The following CLEC4D variants were observed in gnomAD, a reference collection of about 807,000 sequenced individuals.
CLEC4D encodes the protein C-type (calcium dependent, carbohydrate-recognition domain) lectin, superfamily member 8.
CLEC4D carries 21 observed loss-of-function variants against 21.1 expected under a neutral mutation model. That is an observed-to-expected ratio of 1.00 (90% CI 0.71 to 1.43). CLEC4D has a LOEUF of 1.43. CLEC4D is among the 40% of genes most tolerant of loss of function. The pLI, the probability that CLEC4D is intolerant of heterozygous loss-of-function variation, is 0.00. For missense variants in CLEC4D, 289 were observed against 260.7 expected, an observed-to-expected ratio of 1.11 and a Z score of -0.75; for synonymous variants, 85 against 83.1, an observed-to-expected ratio of 1.02 and a Z score of -0.12.
At position 8,521,238 on chromosome 12, in the gene CLEC4D, G is replaced by C; in HGVS notation, c.615G>C (p.Arg205Ser). 6.2e-7 allele frequency: 1 copy of C among 1,612,832 alleles called. No homozygotes were observed. Among genetic ancestry groups the C allele is most frequent in the Non-Finnish European group, 8.5e-7 (1 of 1,179,250 alleles). The change falls in exon 6 of 6, where the codon AGG becomes AGC. Residue 205 changes from arginine to serine, a missense_variant. Transcript: ENST00000299665. ...TTCCTTGTAACTTTGAAGCAAGTAG[G>C]ATTTGTAAAATACCTGGAACAACAT... is the stretch of plus-strand genomic sequence containing the variant. ...NDVPCNFEASRICKIPGTTLN is the reference protein window; with the variant it reads ...NDVPCNFEASSICKIPGTTLN
rs779115575 is a variant in CLEC4D, at chr12:8,518,291, A to G, written c.232+17A>G. 1.1e-6 allele frequency: 1 copy of G among 924,582 alleles called. No individual in the cohort carries two copies. The allele number at this position is 924,582 out of a possible 1,614,324, so 57.3% of individuals were successfully genotyped here. On this transcript the variant is annotated intron_variant, in intron 3 of 5. Coordinates refer to ENST00000299665, the MANE Select transcript of CLEC4D (RefSeq NM_080387.5). Reference sequence around the variant, plus strand: ...GTGCTGAAGGTACAGAGTGTAAGATAATTTCTTTTTTAATTTCCATTTTCG... The same window carrying G: ...GTGCTGAAGGTACAGAGTGTAAGATGATTTCTTTTTTAATTTCCATTTTCG...
downstream of CLEC4D, among the ~76,000 whole-genome samples, chr12:8,526,948 T>C (rs1940511673): frequency 6.6e-6 from 1 of 152,166 alleles, no homozygotes; most frequent in East Asian, 1.9e-4. Context: ...GTCAGGTCCC[T>C]CTTCTGTAGG....
intron 3 of CLEC4D, among the ~76,000 whole-genome samples, chr12:8,518,717 A>G (rs1253815703): frequency 6.6e-6 from 1 of 152,246 alleles, no homozygotes; most frequent in East Asian, 1.9e-4. Flanking sequence ...CGTAATGGAA[A>G]CACTTTAAAT....
Position 8,518,999 on chromosome 12 carries a change from T to G in CLEC4D, c.233-10T>G. 1 of 1,610,086 alleles carries G rather than the reference T, an allele frequency of 6.2e-7. No individual in the cohort carries two copies. Among genetic ancestry groups the G allele is most frequent in the South Asian group, 1.1e-5 (1 of 90,370 alleles). On this transcript the variant is annotated splice_polypyrimidine_tract_variant and intron_variant, in intron 3 of 5. Coordinates refer to ENST00000299665, the MANE Select transcript of CLEC4D (RefSeq NM_080387.5). ...TTTGTTACCAATTTCCGTTTTAATTTTCACTTGAGGGAGCACCTGGAACTG... is the reference window on the plus strand; with the variant it reads ...TTTGTTACCAATTTCCGTTTTAATTGTCACTTGAGGGAGCACCTGGAACTG...
the CLEC4D span, among the ~76,000 whole-genome samples, chr12:8,527,539 C>T: frequency 1.3e-5 from 2 of 152,212 alleles, no homozygotes; most frequent in African/African-American, 2.4e-5. Flanking sequence ...CTCCAGCCTC[C>T]CTGGCTCCGC....
rs780617550 is a variant in CLEC4D at position 8,515,282 on chromosome 12, A to G, written c.75A>G (p.Val25=). Residue 25 remains valine (V), a synonymous_variant, in exon 2 of 6, where the codon GTA becomes GTG. Transcript: ENST00000299665. The part of the protein sequence containing the change: ...HPQLIPSVIA[V]VFILLLSVCF... ...AGCTGATACCTTCGGTTATTGCTGTAGTTTTCATCTTACTTCTCAGTGTCT... is the reference window on the plus strand; with the variant it reads ...AGCTGATACCTTCGGTTATTGCTGTGGTTTTCATCTTACTTCTCAGTGTCT... 6.5e-7 allele frequency: 1 copy of G among 1,541,786 alleles called. No individual in the cohort carries two copies. Among genetic ancestry groups the G allele is most frequent in the South Asian group, 1.1e-5 (1 of 89,512 alleles).
intron 4 of CLEC4D, among the ~76,000 whole-genome samples, chr12:8,519,944 C>T (rs1940436733): frequency 6.6e-6 from 1 of 152,192 alleles, no homozygotes; most frequent in Admixed American, 6.5e-5. Flanking sequence ...AAAATCTAAT[C>T]TTATTAAGCA....
intron 4 of CLEC4D, 79 bp downstream of exon 4, chr12:8,519,239 A>T: frequency 5.3e-6 from 8 of 1,517,416 alleles, no homozygotes; most frequent in South Asian, 1.3e-5. Context: ...CTGTCCTGTT[A>T]TGCCTCTGTC....
downstream of CLEC4D, among the ~76,000 whole-genome samples, chr12:8,525,695 T>C (rs1384041505): frequency 6.6e-6 from 1 of 152,192 alleles, no homozygotes; most frequent in Non-Finnish European, 1.5e-5. Flanking sequence ...CGTTTAAGGT[T>C]AGTATTGTTA....
chr12:8,514,591 A>G (rs974179983), intron 1 of CLEC4D, among the ~76,000 whole-genome samples: 1 of 152,182 alleles, frequency 6.6e-6, no homozygotes, highest in African/African-American at 2.4e-5. Context: ...TGATCCTTCT[A>G]AAAGGCATTC....
the CLEC4D span, among the ~76,000 whole-genome samples, chr12:8,530,459 C>CAAAA: frequency 3.0e-4 from 26 of 87,346 alleles, no homozygotes; most frequent in African/African-American, 3.9e-4. Flanking sequence ...ATCAAGAAAG[C>CAAAA]AAAAAAAAAA....
downstream of CLEC4D, among the ~76,000 whole-genome samples, chr12:8,526,221 G>T (rs761573867): frequency 6.6e-6 from 1 of 152,242 alleles, no homozygotes; most frequent in Admixed American, 6.5e-5. Context: ...TTGTGAATTT[G>T]CATGTTGGCC....
chr12:8,526,777 T>C (rs1335291063), downstream of CLEC4D, among the ~76,000 whole-genome samples: 2 of 152,330 alleles, frequency 1.3e-5, no homozygotes, highest in Non-Finnish European at 2.9e-5. Flanking sequence ...TCTTGTCTTT[T>C]GGGTTTTCAG....
intron 1 of CLEC4D, 100 bp downstream of exon 1, chr12:8,513,860 C>T (rs939256563): frequency 2.9e-5 from 20 of 699,486 alleles, no homozygotes; most frequent in African/African-American, 1.2e-4. Flanking sequence ...TTGATGATGA[C>T]GGGGAGAAGG....
In CLEC4D at chr12:8,521,269, T is replaced by C. The variant is rs773245375; in HGVS notation, c.646T>C (p.Ter216GlnextTer8). 1 of 1,606,118 alleles carries C rather than the reference T, an allele frequency of 6.2e-7. No homozygotes were observed. The highest frequency in any genetic ancestry group is 8.5e-7 in the Non-Finnish European group (1 of 1,176,978). The change falls in exon 6 of 6, where the codon TAG becomes CAG. Residue 216 changes from the stop codon to glutamine (Q), a stop_lost. Transcript: ENST00000299665. ...ICKIPGTTLN* is the reference protein window; with the variant it reads ...ICKIPGTTLNQ ...TAAAATACCTGGAACAACATTGAAC[T>C]AGAAACTCAGAAAGTGGTCCTTGTG...
At chr12:8,517,173 G>A (rs1565491668) in intron 2 of CLEC4D, among the ~76,000 whole-genome samples, 1 of 152,158 alleles carries the variant, frequency 6.6e-6, no homozygotes, top group Non-Finnish European at 1.5e-5. Context: ...AGATGTGAAG[G>A]CTATCTGGGG....
Position 8,522,289 on chromosome 12 carries a change from C to T in CLEC4D, c.*1018C>T, listed in dbSNP as rs777097465. On this transcript the variant is annotated 3_prime_UTR_variant, in exon 6 of 6. Transcript: ENST00000299665. ...ATTGTTTTGACAACCAGAAATTATG[C>T]TTTTCTGGTGCATGAAACATTAATT... 10 of 152,032 alleles carry T rather than the reference C, an allele frequency of 6.6e-5. No homozygotes were observed. The highest frequency in any genetic ancestry group is 1.0e-4 in the Non-Finnish European group (7 of 67,966). 9.4% of individuals were successfully genotyped at this position (152,032 alleles called of 1,614,324 possible).
rs1170702610 is a variant in CLEC4D, at chr12:8,521,226, T to C, written c.603T>C (p.Phe201=). 1 of 1,613,300 alleles carries C rather than the reference T, an allele frequency of 6.2e-7. No homozygotes were observed. Among genetic ancestry groups the C allele is most frequent in the Non-Finnish European group, 8.5e-7 (1 of 1,179,586 alleles). ...CCTGGAATGATGTTCCTTGTAACTT[T>C]GAAGCAAGTAGGATTTGTAAAATAC... is the stretch of plus-strand genomic sequence containing the variant. ...KWAWNDVPCN[F]EASRICKIPG... is the part of the protein sequence containing the mutation. The change falls in exon 6 of 6, where the codon TTT becomes TTC. Residue 201 remains phenylalanine, a synonymous_variant. Transcript: ENST00000299665.
intron 2 of CLEC4D, 136 bp downstream of exon 2, chr12:8,515,464 A>G (rs1940366686): frequency 1.8e-6 from 1 of 546,792 alleles, no homozygotes; most frequent in Non-Finnish European, 3.3e-6. Flanking sequence ...TCTTGCACTG[A>G]ATATTCAGAG....
Sources: gnomAD v4.1 joint callset for allele counts (sites outside exome capture counted in the v4.1 genomes callset) on GRCh38, gnomAD v4.1.1 for gene constraint, MANE v1.5 for transcripts, NCBI Gene and HGNC (gene_info 2026-07-23, HGNC 2026-07-21) for gene names.